Variants in CRYBG3 observed in about 807,000 individuals in gnomAD.
The protein encoded by CRYBG3 is crystallin beta-gamma domain containing 3, also known as very large A-kinase anchor protein.
In CRYBG3, 127 loss-of-function variants were observed where a neutral mutation model predicts 244.2. That is an observed-to-expected ratio of 0.52 (90% CI 0.45 to 0.60). The LOEUF is 0.60. Among genes scored for constraint, CRYBG3 ranks in the 20% least tolerant of loss-of-function variants. CRYBG3 has a pLI of 0.00. For missense variants in CRYBG3, 3,325 were observed against 3,442.5 expected, an observed-to-expected ratio of 0.97 and a Z score of 0.85; for synonymous variants, 1,132 against 1,195.8, an observed-to-expected ratio of 0.95 and a Z score of 1.10.
In CRYBG3 at chr3:97,896,068, T is replaced by G. The variant is rs2039636801; in HGVS notation, c.7684T>G (p.Phe2562Val). The change falls in exon 12 of 22, where the codon TTC becomes GTC. Residue 2562 changes from phenylalanine to valine, a missense_variant. Physicochemically the swap from Phe to Val is conservative, Grantham distance 50. Transcript: ENST00000389622. ...TGCATTAAGTAGCCCTATCTTGTCT[T>G]TCCGGTACTTACAAGCTGTGAGTTA... is the stretch of plus-strand genomic sequence containing the variant. Reference protein sequence around the residue: ...CGALSSPILSFRYLQANFIES... With the variant: ...CGALSSPILSVRYLQANFIES... The G allele has an allele frequency of 1.2e-6, 2 of 1,611,438 alleles. No homozygotes were observed. The highest frequency in any genetic ancestry group is 1.7e-6 in the Non-Finnish European group (2 of 1,178,904).
chr3:97,829,161 T>C (rs566661029), intron 1 of CRYBG3, among the ~76,000 whole-genome samples: 51 of 152,228 alleles, frequency 3.4e-4, no homozygotes, highest in African/African-American at 8.9e-4. Context: ...TGATCCTGAG[T>C]TGGCAAAAAT....
At chr3:97,880,299 T>C (rs1389816848) in intron 6 of CRYBG3, among the ~76,000 whole-genome samples, 199 bp downstream of exon 6, 4 of 152,182 alleles carry the variant, frequency 2.6e-5, no homozygotes, top group Non-Finnish European at 4.4e-5. Context: ...ATACAATCTG[T>C]TTTTAGTGCT....
chr3:97,885,432 G>GGAGATA (rs1348361402), intron 7 of CRYBG3, among the ~76,000 whole-genome samples: 2 of 151,962 alleles, frequency 1.3e-5, no homozygotes, highest in Admixed American at 1.3e-4. Context: ...GTGTCATAGG[G>GGAGATA]GATAATTACT....
At chr3:97,840,841 G>A (rs2038801559) in intron 1 of CRYBG3, 1 of 151,930 alleles carries the variant, frequency 6.6e-6, no homozygotes, top group Non-Finnish European at 1.5e-5. Flanking sequence ...GTCAAGGTCA[G>A]CATTATTCTT....
At chr3:97,921,103 C>T (rs1390086059) in intron 17 of CRYBG3, among the ~76,000 whole-genome samples, 2 of 143,276 alleles carry the variant, frequency 1.4e-5, no homozygotes, top group Non-Finnish European at 3.0e-5. Context: ...CCTCCCAATA[C>T]CTTCCTTAAA....
In CRYBG3 at chr3:97,827,882, G is replaced by A. The variant is rs567802456; in HGVS notation, c.149+5527G>A. On this transcript the variant is annotated intron_variant, in intron 1 of 21. Transcript: ENST00000389622. ...GTGACAGCTTCCTCCGCTTAACTTG[G>A]GAAGACTCGTAAAAGAAGGCTGCCC... Among the ~76,000 whole-genome samples the A allele has an allele frequency of 3.9e-5, 6 of 152,204 alleles. No individual in the cohort carries two copies. In the South Asian group the frequency reaches 1.2e-3, roughly 32 times the overall value.
At position 97,881,084 on chromosome 3, in the gene CRYBG3, T is replaced by C. The variant is rs573326845; in HGVS notation, c.7017T>C (p.Tyr2339=). 1 of 1,590,716 alleles carries C rather than the reference T, an allele frequency of 6.3e-7. No homozygotes were observed. The highest frequency in any genetic ancestry group is 8.5e-7 in the Non-Finnish European group (1 of 1,173,278). Residue 2339 remains tyrosine, a synonymous_variant, in exon 7 of 22, where the codon TAT becomes TAC. Transcript: ENST00000389622. ...IKVVRGCWIL[Y]EKPHFRGQKC... ...TCTCTTTGTTTAGCTGGATTTTATA[T>C]GAGAAACCACATTTCCGAGGTCAGA...
In CRYBG3 at chr3:97,930,892, G is replaced by C. The variant is rs944345295; in HGVS notation, c.8242-2802G>C. On this transcript the variant is annotated intron_variant, in intron 17 of 21. Coordinates refer to ENST00000389622, the MANE Select transcript of CRYBG3 (RefSeq NM_153605.4). ...CCTGATTTTAAATGGACATTTCTGG[G>C]CATCCTTTTTATCTTTCCTTTTATT... Among the ~76,000 whole-genome samples the C allele has an allele frequency of 2.6e-5, 4 of 152,092 alleles. No homozygotes were observed. In the East Asian group the frequency reaches 7.8e-4, roughly 29 times the overall value.
chr3:97,941,063 C>T, intron 19 of CRYBG3, 85 bp from the exon 20 acceptor site: 1 of 1,134,274 alleles, frequency 8.8e-7, no homozygotes, highest in Non-Finnish European at 1.3e-6. Context: ...TTACCTCTCA[C>T]TTTCCCTCCC....
At position 97,908,423 on chromosome 3, in the gene CRYBG3, T is replaced by G. The variant is rs192822232; in HGVS notation, c.8005-3744T>G. Among the ~76,000 whole-genome samples, 40 of 152,280 alleles carry G rather than the reference T, an allele frequency of 2.6e-4. 1 individual carries two copies. The South Asian group carries it at 2.9e-3, about 11-fold the overall frequency. ...CACTCAGGACTTGCTTTATGAATCT[T>G]GGTGCTCCTGTATTGGGTGCATATA... On this transcript the variant is annotated intron_variant, in intron 15 of 21. Transcript: ENST00000389622.
chr3:97,898,634 T>C (rs1028625085), intron 12 of CRYBG3, among the ~76,000 whole-genome samples: 1 of 152,186 alleles, frequency 6.6e-6, no homozygotes, highest in Non-Finnish European at 1.5e-5. Flanking sequence ...TCTCAGCAAT[T>C]TACTGTTGAC....
intron 1 of CRYBG3, among the ~76,000 whole-genome samples, chr3:97,835,123 A>G (rs553162587): frequency 6.6e-6 from 1 of 152,262 alleles, no homozygotes; most frequent in Admixed American, 6.5e-5. Context: ...AATAATGCGT[A>G]TATTTATATG....
intron 17 of CRYBG3, among the ~76,000 whole-genome samples, chr3:97,922,575 A>G (rs181436712): frequency 6.6e-6 from 1 of 152,370 alleles, no homozygotes; most frequent in East Asian, 1.9e-4. Flanking sequence ...CAGCCAATAG[A>G]CAAATGAAAA....
chr3:97,876,776 A>G lies in CRYBG3; in HGVS notation c.5582A>G (p.Lys1861Arg). The G allele has an allele frequency of 1.6e-6, 2 of 1,266,612 alleles. No homozygotes were observed. Among genetic ancestry groups the G allele is most frequent in the Non-Finnish European group, 2.0e-6 (2 of 1,008,694 alleles). 78.5% of individuals were successfully genotyped at this position (1,266,612 alleles called of 1,614,324 possible). A position where few individuals can be genotyped will look rare whatever the true frequency, so the allele number is the denominator to read the frequency against. The part of the protein sequence containing the change: ...EDRGENIGKH[K>R]VLPAVVDIEK... ...CGTGGTGAGAATATTGGGAAACACA[A>G]AGTGTTACCCGCAGTGGTAGACATT... The change falls in exon 4 of 22, where the codon AAA (lysine) becomes AGA (arginine). Residue 1861 changes from lysine to arginine, a missense_variant. Lys to Arg is a conservative substitution (Grantham distance 26). Coordinates refer to ENST00000389622, the MANE Select transcript of CRYBG3 (RefSeq NM_153605.4).
intron 12 of CRYBG3, among the ~76,000 whole-genome samples, chr3:97,897,450 A>G (rs1269883614): frequency 6.6e-6 from 1 of 152,006 alleles, no homozygotes; most frequent in African/African-American, 2.4e-5. Flanking sequence ...AATGGAATAC[A>G]GTTTTTAAGG....
chr3:97,927,499 G>A lies in CRYBG3; in HGVS notation c.8242-6195G>A, dbSNP rs1320504032. Among the ~76,000 whole-genome samples the A allele has an allele frequency of 5.9e-5, 9 of 151,986 alleles. No individual in the cohort carries two copies. In the South Asian group the frequency reaches 1.5e-3, roughly 25 times the overall value. ...AAATCTAGGAAATACCATTCTGGAC[G>A]TGGGCCCTGGCAAAGATTTTATGAG... On this transcript the variant is annotated intron_variant, in intron 17 of 21. Coordinates refer to ENST00000389622, the MANE Select transcript of CRYBG3 (RefSeq NM_153605.4).
Position 97,944,610 on chromosome 3 carries a change from C to T in CRYBG3, c.*1296C>T, listed in dbSNP as rs927439602. ...TACTGGGTTTTTTTCCTCCTTCAAT[C>T]TCAGGCTTTTCTCCATCTTTTAAGC... is the stretch of plus-strand genomic sequence containing the variant. On this transcript the variant is annotated 3_prime_UTR_variant, in exon 22 of 22. Coordinates refer to ENST00000389622, the MANE Select transcript of CRYBG3 (RefSeq NM_153605.4). 7 of 152,222 alleles carry T rather than the reference C, an allele frequency of 4.6e-5. No individual in the cohort carries two copies. Among genetic ancestry groups the T allele is most frequent in the African/African-American group, 1.7e-4 (7 of 41,368 alleles). The allele number at this position is 152,222 out of a possible 1,614,324, so 9.4% of individuals were successfully genotyped here.
intron 11 of CRYBG3, 63 bp from the exon 12 acceptor site, chr3:97,895,896 C>T: frequency 6.7e-7 from 1 of 1,486,880 alleles, no homozygotes; most frequent in Non-Finnish European, 9.2e-7. Flanking sequence ...TTGATTGTCT[C>T]TGTTTTGCTT....
chr3:97,926,864 A>C (rs1031364160), intron 17 of CRYBG3, among the ~76,000 whole-genome samples: 1 of 152,022 alleles, frequency 6.6e-6, no homozygotes, highest in Non-Finnish European at 1.5e-5. Flanking sequence ...CTCACCAGGG[A>C]GGTGAAAGAT....
Sources: gnomAD v4.1 joint callset for allele counts (sites outside exome capture counted in the v4.1 genomes callset) on GRCh38, gnomAD v4.1.1 for gene constraint, MANE v1.5 for transcripts, NCBI Gene and HGNC (gene_info 2026-07-23, HGNC 2026-07-21) for gene names.